The following CALN1 variants were observed in gnomAD, a reference collection of about 807,000 sequenced individuals.
The protein encoded by CALN1 is calcium-binding protein 8.
In CALN1, 17 loss-of-function variants were observed where a neutral mutation model predicts 30.6. That is an observed-to-expected ratio of 0.56 (90% confidence interval 0.38 to 0.83). CALN1 has a LOEUF of 0.83. Among genes scored for constraint, CALN1 ranks in the 40% least tolerant of loss-of-function variants. The pLI, the probability that CALN1 is intolerant of heterozygous loss-of-function variation, is 0.00. For synonymous variants in CALN1, 156 were observed against 131.4 expected, an observed-to-expected ratio of 1.19 and a Z score of -1.28; for missense variants, 291 against 354.9, an observed-to-expected ratio of 0.82 and a Z score of 1.45.
intron 5 of CALN1, among the ~76,000 whole-genome samples, chr7:71,920,330 C>CTTTTTTTTTTTTTTTTTTTTTTTT (rs71092931): frequency 1.0e-5 from 1 of 98,744 alleles, no homozygotes; most frequent in African/African-American, 4.1e-5. Flanking sequence ...CAAATTAGTT[C>CTTTTTTTTTTTTTTTTTTTTTTTT]TTTTTTTTTT....
chr7:71,957,988 C>T (rs1797045612), intron 5 of CALN1, among the ~76,000 whole-genome samples: 1 of 144,400 alleles, frequency 6.9e-6, no homozygotes, highest in East Asian at 2.0e-4. Flanking sequence ...TCTCTTGAAC[C>T]TGGGAGGCAG....
chr7:72,389,852 G>A (rs546014984), intron 2 of CALN1, among the ~76,000 whole-genome samples: 2 of 151,974 alleles, frequency 1.3e-5, no homozygotes, highest in South Asian at 4.1e-4. Context: ...CCGGGAGGCG[G>A]AGGTTGCAGT....
At chr7:72,337,176 C>CCTCCTCCCCAG (rs1290140233) in intron 2 of CALN1, 12 of 985,344 alleles carry the variant, frequency 1.2e-5, no homozygotes, top group Middle Eastern at 5.2e-4. Flanking sequence ...GCAGCTCCGG[C>CCTCCTCCCCAG]CTCCTCCCCA....
chr7:72,117,013 G>A (rs780246729), intron 3 of CALN1, among the ~76,000 whole-genome samples: 4 of 152,094 alleles, frequency 2.6e-5, no homozygotes, highest in South Asian at 2.1e-4. Context: ...GTCGTAGGGG[G>A]ATTAAAAGAT....
At chr7:72,381,131 G>A (rs1469528093) in intron 2 of CALN1, among the ~76,000 whole-genome samples, 1 of 152,180 alleles carries the variant, frequency 6.6e-6, no homozygotes, top group Non-Finnish European at 1.5e-5. Context: ...CAGACGGAAA[G>A]CACAAAGACA....
intron 3 of CALN1, among the ~76,000 whole-genome samples, chr7:72,141,715 T>C (rs1448780845): frequency 6.6e-6 from 1 of 152,074 alleles, no homozygotes; most frequent in East Asian, 1.9e-4. Flanking sequence ...ATTACAGGCA[T>C]GCATCACCAT....
intron 5 of CALN1, among the ~76,000 whole-genome samples, chr7:71,991,705 G>C (rs1483998876): frequency 6.6e-6 from 1 of 152,226 alleles, no homozygotes; most frequent in Non-Finnish European, 1.5e-5. Context: ...ACAAGGGACA[G>C]ATACTTAAAA....
At chr7:72,061,796 C>CAAAAAAAAA (rs1161510912) in intron 4 of CALN1, among the ~76,000 whole-genome samples, 2 of 85,132 alleles carry the variant, frequency 2.3e-5, no homozygotes, top group African/African-American at 4.8e-5. Flanking sequence ...GACTCTGTCT[C>CAAAAAAAAA]AAAAAAAAAA....
chr7:72,436,882 G>C (rs1011085999), intron 1 of CALN1, among the ~76,000 whole-genome samples: 2 of 152,040 alleles, frequency 1.3e-5, no homozygotes, highest in African/African-American at 4.8e-5. Context: ...ATGAGCCTGG[G>C]CAACACAGCG....
At chr7:72,380,048 G>A (rs1290477525) in intron 2 of CALN1, among the ~76,000 whole-genome samples, 1 of 152,204 alleles carries the variant, frequency 6.6e-6, no homozygotes, top group African/African-American at 2.4e-5. Context: ...ATTTGCTACT[G>A]AAACATAGTA....
intron 4 of CALN1, among the ~76,000 whole-genome samples, chr7:72,088,959 CTT>C (rs1805670986): frequency 6.6e-6 from 1 of 151,880 alleles, no homozygotes; most frequent in Non-Finnish European, 1.5e-5. Context: ...ATTTGGGAAA[CTT>C]TATGTCAGAA....
At chr7:72,356,086 T>C (rs1357531958) in intron 2 of CALN1, among the ~76,000 whole-genome samples, 1 of 152,210 alleles carries the variant, frequency 6.6e-6, no homozygotes, top group African/African-American at 2.4e-5. Flanking sequence ...AATATTACAC[T>C]GTATCCCATA....
chr7:72,396,359 G>A, intron 2 of CALN1, among the ~76,000 whole-genome samples: 1 of 149,902 alleles, frequency 6.7e-6, no homozygotes, highest in Admixed American at 6.7e-5. Flanking sequence ...GGAGACAGAG[G>A]TTGTGGTGAG....
intron 5 of CALN1, among the ~76,000 whole-genome samples, chr7:71,937,167 C>T (rs1251255392): frequency 6.6e-6 from 1 of 151,862 alleles, no homozygotes; most frequent in East Asian, 1.9e-4. Context: ...AGTAGCTGGG[C>T]ATGGTGGTGC....
At chr7:72,269,407 A>G (rs1220445621) in intron 3 of CALN1, among the ~76,000 whole-genome samples, 1 of 151,682 alleles carries the variant, frequency 6.6e-6, no homozygotes, top group Non-Finnish European at 1.5e-5. Flanking sequence ...CTCTTCCTGT[A>G]TCCATGTGTT....
At chr7:72,479,629 T>C in the CALN1 span, among the ~76,000 whole-genome samples, 1 of 151,294 alleles carries the variant, frequency 6.6e-6, no homozygotes, top group African/African-American at 2.4e-5. Context: ...CTTGGCTCAC[T>C]GCAACCTCCA....
chr7:71,956,296 A>G (rs923073999), intron 5 of CALN1, among the ~76,000 whole-genome samples: 5 of 150,410 alleles, frequency 3.3e-5, no homozygotes, highest in Admixed American at 6.6e-5. Flanking sequence ...CCCGTTCTAG[A>G]ATTTTAATAG....
chr7:72,136,861 C>A (rs1316777171), intron 3 of CALN1, among the ~76,000 whole-genome samples: 5 of 152,138 alleles, frequency 3.3e-5, no homozygotes, highest in Non-Finnish European at 1.5e-5. Flanking sequence ...AGAACACACA[C>A]AACATTTATT....
intron 1 of CALN1, among the ~76,000 whole-genome samples, chr7:72,432,118 C>A (rs1473724519): frequency 6.6e-6 from 1 of 152,014 alleles, no homozygotes; most frequent in Admixed American, 6.6e-5. Context: ...TGGGAGGGAC[C>A]CAGTGGGAGG....
Sources: allele counts gnomAD v4.1 joint callset (sites outside exome capture counted in the v4.1 genomes callset), GRCh38; gene constraint gnomAD v4.1.1; transcripts MANE v1.5; gene names NCBI Gene and HGNC (gene_info 2026-07-23, HGNC 2026-07-21).